The following C6 variants were observed in gnomAD, a reference collection of about 807,000 sequenced individuals.
C6 encodes the protein complement component C6.
C6 carries 101 observed loss-of-function variants against 112.9 expected under a neutral mutation model. That is an observed-to-expected ratio of 0.89 (90% CI 0.76 to 1.06). The LOEUF is 1.06. Ranked by LOEUF, C6 falls within the 50% of genes least tolerant of loss-of-function variation. The pLI is 0.00. For missense variants in C6, 1,202 were observed against 1,104.6 expected (o/e 1.09, Z -1.25); for synonymous variants, 431 against 384.1 (o/e 1.12, Z -1.43).
intron 1 of C6, among the ~76,000 whole-genome samples, chr5:41,224,289 A>T (rs1739350032): frequency 6.6e-6 from 1 of 152,144 alleles, no homozygotes; most frequent in Non-Finnish European, 1.5e-5. Context: ...AATGTGTACA[A>T]TTTAATAGTC....
intron 2 of C6, among the ~76,000 whole-genome samples, chr5:41,202,700 C>A (rs998887373): frequency 5.3e-5 from 8 of 152,136 alleles, no homozygotes; most frequent in African/African-American, 1.9e-4. Flanking sequence ...AAGCTAATAG[C>A]TAGCAGTTCT....
chr5:41,200,559 A>G (rs1000652522), intron 3 of C6, among the ~76,000 whole-genome samples: 9 of 152,194 alleles, frequency 5.9e-5, no homozygotes, highest in African/African-American at 2.2e-4. Context: ...ACACAATATG[A>G]TGTGAAGTTT....
intron 10 of C6, among the ~76,000 whole-genome samples, chr5:41,160,571 C>T (rs1242014140): frequency 6.6e-6 from 1 of 152,124 alleles, no homozygotes; most frequent in Non-Finnish European, 1.5e-5. Context: ...TGGCACTTAC[C>T]TTCCCTACAA....
chr5:41,239,151 G>A lies in C6; in HGVS notation c.-21+22043C>T, dbSNP rs183774683. On this transcript the variant is annotated intron_variant, in intron 1 of 17. Coordinates refer to the C6 transcript ENST00000263413. ...TTTTGAGACGGATTCTTGCTCTGTC[G>A]CCCAGGCTGGAGTGCAAATGGCATG... Among the ~76,000 whole-genome samples the A allele has an allele frequency of 2.2e-3, 275 of 125,134 alleles. 2 individuals are homozygous for A. The highest frequency in any genetic ancestry group is 6.4e-3 in the South Asian group (27 of 4,200). 82.1% of individuals were successfully genotyped at this position (125,134 alleles called of 152,430 possible).
At chr5:41,163,352 G>A (rs1228621638) in intron 9 of C6, among the ~76,000 whole-genome samples, 3 of 139,418 alleles carry the variant, frequency 2.2e-5, no homozygotes, top group Admixed American at 8.3e-5. Context: ...TCGCTCTGCC[G>A]CCCAGGCTGG....
At chr5:41,189,231 TTAAATG>T (rs1255442977) in intron 5 of C6, among the ~76,000 whole-genome samples, 1 of 152,016 alleles carries the variant, frequency 6.6e-6, no homozygotes, top group African/African-American at 2.4e-5. Context: ...TCTTCAAAAA[TTAAATG>T]TATAATTACC....
intron 2 of C6, among the ~76,000 whole-genome samples, chr5:41,202,539 C>T (rs1423617237): frequency 6.6e-6 from 1 of 152,026 alleles, no homozygotes; most frequent in Admixed American, 6.5e-5. Flanking sequence ...GCTTTTCTCC[C>T]CTAACATGTG....
chr5:41,178,860 C>G (rs1019627608), intron 7 of C6, among the ~76,000 whole-genome samples: 9 of 150,386 alleles, frequency 6.0e-5, no homozygotes, highest in African/African-American at 2.2e-4. Flanking sequence ...CTATATGAAG[C>G]TAACAATTTT....
chr5:41,229,540 G>C (rs1249390828), intron 1 of C6, among the ~76,000 whole-genome samples: 1 of 152,002 alleles, frequency 6.6e-6, no homozygotes. Context: ...AGAAAAGATG[G>C]TGCAATTTGA....
chr5:41,242,907 A>C (rs1270413963), intron 1 of C6, among the ~76,000 whole-genome samples: 1 of 151,508 alleles, frequency 6.6e-6, no homozygotes, highest in East Asian at 1.9e-4. Context: ...AAAAAAAAAA[A>C]AATACTGTGT....
chr5:41,245,263 C>T (rs1323230980), intron 1 of C6, among the ~76,000 whole-genome samples: 3 of 152,112 alleles, frequency 2.0e-5, no homozygotes, highest in African/African-American at 7.2e-5. Context: ...TGTGTGGTGG[C>T]TCACGCCTGT....
rs145022411 is a variant in C6 at position 41,256,257 on chromosome 5, A to C, written c.-21+4937T>G. Reference sequence around the variant, plus strand: ...AATGCCGCAATAAACATACGTGTGCATGTGTCTTTATAGCAGCATGATTTA... The same window carrying C: ...AATGCCGCAATAAACATACGTGTGCCTGTGTCTTTATAGCAGCATGATTTA... On this transcript the variant is annotated intron_variant, in intron 1 of 17. Coordinates refer to the C6 transcript ENST00000263413. Among the ~76,000 whole-genome samples, 995 of 152,024 alleles carry C rather than the reference A, an allele frequency of 6.5e-3. 11 individuals carry two copies. The highest frequency in any genetic ancestry group is 0.023 in the African/African-American group (952 of 41,470).
At chr5:41,163,050 AGAGT>A (rs2150276813) in intron 9 of C6, among the ~76,000 whole-genome samples, 1 of 152,272 alleles carries the variant, frequency 6.6e-6, no homozygotes, top group South Asian at 2.1e-4. Flanking sequence ...TCCTGAAGAA[AGAGT>A]AAGTCTGTTT....
chr5:41,182,020 G>T (rs575690819), intron 6 of C6, among the ~76,000 whole-genome samples: 3 of 152,094 alleles, frequency 2.0e-5, no homozygotes, highest in Admixed American at 6.6e-5. Flanking sequence ...TTCAAGAGAC[G>T]AGTCTGACTT....
chr5:41,206,180 C>A (rs1751421300), intron 1 of C6, among the ~76,000 whole-genome samples: 1 of 152,186 alleles, frequency 6.6e-6, no homozygotes, highest in Non-Finnish European at 1.5e-5. Context: ...GGAAAACTAA[C>A]AAACATAAAG....
chr5:41,205,885 G>A (rs1055287422), intron 1 of C6, among the ~76,000 whole-genome samples: 12 of 152,188 alleles, frequency 7.9e-5, no homozygotes, highest in Admixed American at 2.0e-4. Context: ...CTCCCAGCAC[G>A]GAGTTTGAGA....
chr5:41,208,408 T>G (rs1751613971), intron 1 of C6, among the ~76,000 whole-genome samples: 2 of 152,014 alleles, frequency 1.3e-5, no homozygotes, highest in African/African-American at 4.8e-5. Flanking sequence ...CAAAAAACCC[T>G]TCAAAAAATA....
intron 7 of C6, 146 bp downstream of exon 7, chr5:41,181,213 T>A: frequency 1.5e-6 from 1 of 681,876 alleles, no homozygotes; most frequent in Non-Finnish European, 2.5e-6. Flanking sequence ...TGAAGTGAGA[T>A]ATAACAAAAA....
At chr5:41,166,387 A>C (rs1747976949) in intron 9 of C6, among the ~76,000 whole-genome samples, 1 of 152,028 alleles carries the variant, frequency 6.6e-6, no homozygotes, top group Non-Finnish European at 1.5e-5. Context: ...CTGTGTCCTC[A>C]TCTATAAAAT....
Sources: allele counts gnomAD v4.1 joint callset (sites outside exome capture counted in the v4.1 genomes callset), GRCh38; gene constraint gnomAD v4.1.1; transcripts MANE v1.5; gene names NCBI Gene and HGNC (gene_info 2026-07-23, HGNC 2026-07-21).